Variants in MARCHF3 observed in about 807,000 individuals in gnomAD.
MARCHF3 encodes membrane associated ring-CH-type finger 3, also known as E3 ubiquitin-protein ligase MARCHF3.
MARCHF3 carries 13 observed loss-of-function variants against 24.2 expected under a neutral mutation model. That is an observed-to-expected ratio of 0.54 (90% CI 0.35 to 0.85). The LOEUF is 0.85. MARCHF3 is among the 40% of genes least tolerant of loss of function. The pLI, the probability that MARCHF3 is intolerant of heterozygous loss-of-function variation, is 0.01. For missense variants in MARCHF3, 276 were observed against 325.0 expected, an observed-to-expected ratio of 0.85 and a Z score of 1.16; for synonymous variants, 144 against 137.3, an observed-to-expected ratio of 1.05 and a Z score of -0.34.
At chr5:126,909,862 A>G (rs1754455972) in intron 3 of MARCHF3, among the ~76,000 whole-genome samples, 1 of 152,130 alleles carries the variant, frequency 6.6e-6, no homozygotes, top group Non-Finnish European at 1.5e-5. Context: ...ACTTCATAAA[A>G]AAGGTTAATA....
intron 1 of MARCHF3, among the ~76,000 whole-genome samples, chr5:126,980,001 T>A (rs2126835313): frequency 6.6e-6 from 1 of 151,832 alleles, no homozygotes; most frequent in South Asian, 2.1e-4. Flanking sequence ...GTATACTAAT[T>A]GAGCCTATTT....
At chr5:126,890,814 G>A (rs2126775329) in intron 3 of MARCHF3, among the ~76,000 whole-genome samples, 1 of 149,118 alleles carries the variant, frequency 6.7e-6, no homozygotes, top group Admixed American at 6.6e-5. Context: ...GTAATGGGAT[G>A]GCTGGGTCAA....
Position 126,896,375 on chromosome 5 carries a change from G to T in MARCHF3, c.394-17981C>A, listed in dbSNP as rs1753912823. ...AGGGGTAAGGGGTAACAGCTCAAAT[G>T]AAATGATTCATGACATCAGGGACTG... is the stretch of plus-strand genomic sequence containing the variant. On this transcript the variant is annotated intron_variant, in intron 3 of 4. Coordinates refer to ENST00000308660, the MANE Select transcript of MARCHF3 (RefSeq NM_178450.5). 2.0e-5 allele frequency among the ~76,000 whole-genome samples: 3 copies of T among 152,126 alleles called. No individual in the cohort carries two copies. The South Asian group carries it at 6.2e-4, about 31-fold the overall frequency.
intron 3 of MARCHF3, among the ~76,000 whole-genome samples, chr5:126,884,680 T>C (rs549895067): frequency 6.6e-6 from 1 of 152,310 alleles, no homozygotes; most frequent in East Asian, 1.9e-4. Context: ...GCCCAGGACA[T>C]GGTAAGTCCT....
intron 1 of MARCHF3, among the ~76,000 whole-genome samples, chr5:127,013,709 A>C (rs1292482639): frequency 6.6e-6 from 1 of 152,210 alleles, no homozygotes; most frequent in African/African-American, 2.4e-5. Flanking sequence ...CATAGAGACC[A>C]ATGTAACAAA....
At chr5:126,952,473 T>G (rs1750279491) in intron 1 of MARCHF3, among the ~76,000 whole-genome samples, 1 of 152,174 alleles carries the variant, frequency 6.6e-6, no homozygotes, top group Admixed American at 6.5e-5. Context: ...AATTCTTGAT[T>G]TTAGTTCTTC....
intron 3 of MARCHF3, among the ~76,000 whole-genome samples, chr5:126,889,646 C>G (rs1753613900): frequency 6.6e-6 from 1 of 152,122 alleles, no homozygotes; most frequent in African/African-American, 2.4e-5. Flanking sequence ...CAGAGGAACT[C>G]TTGGATTTGC....
chr5:127,008,864 C>T (rs73337293), intron 1 of MARCHF3, among the ~76,000 whole-genome samples: 2,467 of 149,090 alleles, frequency 0.017, 59 homozygotes, highest in African/African-American at 0.054. Flanking sequence ...ATTCAGGAGA[C>T]GTTATCTCTT....
At chr5:126,912,938 T>A (rs1053369218) in intron 3 of MARCHF3, among the ~76,000 whole-genome samples, 6 of 152,258 alleles carry the variant, frequency 3.9e-5, no homozygotes, top group South Asian at 2.1e-4. Flanking sequence ...GGTGAAGTTT[T>A]TGTAGGCGAG....
chr5:126,945,199 T>C (rs376712360), intron 1 of MARCHF3, among the ~76,000 whole-genome samples: 1 of 152,356 alleles, frequency 6.6e-6, no homozygotes, highest in East Asian at 1.9e-4. Context: ...TATTGATGGC[T>C]TGAAATTGGC....
intron 3 of MARCHF3, among the ~76,000 whole-genome samples, chr5:126,885,396 CATCTCT>C (rs1030012871): frequency 1.3e-5 from 2 of 151,910 alleles, no homozygotes; most frequent in African/African-American, 4.8e-5. Flanking sequence ...GGTAAAACCC[CATCTCT>C]ACTAAAAATA....
intron 1 of MARCHF3, among the ~76,000 whole-genome samples, chr5:127,027,460 G>A (rs1753037621): frequency 1.3e-5 from 2 of 152,188 alleles, no homozygotes; most frequent in African/African-American, 2.4e-5. Context: ...TACCTTGCAG[G>A]AGGAAATGCT....
chr5:126,982,327 C>T (rs1055102242), intron 1 of MARCHF3, among the ~76,000 whole-genome samples: 5 of 152,162 alleles, frequency 3.3e-5, no homozygotes, highest in African/African-American at 1.2e-4. Flanking sequence ...ACCCTTGAGC[C>T]ATAACATGGA....
intron 1 of MARCHF3, among the ~76,000 whole-genome samples, chr5:126,973,673 G>C (rs1315304138): frequency 1.3e-5 from 2 of 152,216 alleles, no homozygotes; most frequent in African/African-American, 4.8e-5. Context: ...TGCTAGGAAA[G>C]AGATGTGGAT....
intron 4 of MARCHF3, among the ~76,000 whole-genome samples, chr5:126,874,217 A>G (rs545216709): frequency 1.2e-3 from 178 of 152,280 alleles, no homozygotes; most frequent in African/African-American, 3.9e-3. Context: ...GAATATTATG[A>G]GAAGGGTTAG....
intron 1 of MARCHF3, among the ~76,000 whole-genome samples, chr5:127,000,811 C>T (rs1001889091): frequency 2.0e-5 from 3 of 151,918 alleles, no homozygotes; most frequent in African/African-American, 4.8e-5. Context: ...GGACTACAGG[C>T]GCCCGCCACC....
At chr5:127,019,020 T>G (rs1433015060) in intron 1 of MARCHF3, among the ~76,000 whole-genome samples, 1 of 152,372 alleles carries the variant, frequency 6.6e-6, no homozygotes, top group East Asian at 1.9e-4. Context: ...CAAAATAATA[T>G]GCCAGAAATA....
At chr5:126,945,064 T>C (rs1475566516) in intron 1 of MARCHF3, among the ~76,000 whole-genome samples, 1 of 152,094 alleles carries the variant, frequency 6.6e-6, no homozygotes, top group Non-Finnish European at 1.5e-5. Flanking sequence ...CAATGGTCAA[T>C]AAGACAAAGA....
intron 1 of MARCHF3, among the ~76,000 whole-genome samples, chr5:127,008,056 G>A (rs1488597685): frequency 6.6e-6 from 1 of 152,024 alleles, no homozygotes; most frequent in East Asian, 1.9e-4. Context: ...AAAGAACAGA[G>A]GAGGTGCAAA....
Sources: gnomAD v4.1 joint callset for allele counts (sites outside exome capture counted in the v4.1 genomes callset) on GRCh38, gnomAD v4.1.1 for gene constraint, MANE v1.5 for transcripts, NCBI Gene and HGNC (gene_info 2026-07-23, HGNC 2026-07-21) for gene names.